PPP1R9A: variants seen among roughly 807,000 people sequenced by gnomAD.
PPP1R9A encodes neurabin-1.
Under a neutral mutation model 141.9 loss-of-function variants are expected in PPP1R9A, and 59 were observed. The ratio of observed to expected loss-of-function variants is 0.42; its 90% CI spans 0.34 to 0.52. The LOEUF is 0.52. Among genes scored for constraint, PPP1R9A ranks in the 20% least tolerant of loss-of-function variants. The pLI, the probability that PPP1R9A is intolerant of heterozygous loss-of-function variation, is 0.10. For synonymous variants in PPP1R9A, 500 were observed against 569.7 expected (o/e 0.88, Z 1.74); for missense variants, 1,444 against 1,611.9 (o/e 0.90, Z 1.78).
chr7:95,194,879 A>C (rs1836014471), intron 5 of PPP1R9A, among the ~76,000 whole-genome samples: 1 of 152,132 alleles, frequency 6.6e-6, no homozygotes, highest in African/African-American at 2.4e-5. Context: ...TTTTGCTAAG[A>C]TGTCAGTTCT....
At chr7:95,216,166 G>C (rs1360081030) in intron 7 of PPP1R9A, among the ~76,000 whole-genome samples, 3 of 152,272 alleles carry the variant, frequency 2.0e-5, no homozygotes, top group Admixed American at 6.5e-5. Flanking sequence ...ATAAGGAAGG[G>C]ATCCAGTTTC....
At chr7:94,946,893 A>AT (rs1795951195) in intron 2 of PPP1R9A, among the ~76,000 whole-genome samples, 1 of 152,062 alleles carries the variant, frequency 6.6e-6, no homozygotes, top group Non-Finnish European at 1.5e-5. Context: ...TTTTTGGCTC[A>AT]TTTTTTGTAT....
intron 2 of PPP1R9A, among the ~76,000 whole-genome samples, chr7:94,953,248 G>C (rs1796681881): frequency 6.6e-6 from 1 of 152,254 alleles, no homozygotes; most frequent in South Asian, 2.1e-4. Flanking sequence ...TGTCAGGTTT[G>C]TCAAAGATCA....
intron 2 of PPP1R9A, among the ~76,000 whole-genome samples, chr7:95,084,350 G>C (rs79377622): frequency 0.022 from 3,345 of 151,972 alleles, 180 homozygotes; most frequent in African/African-American, 0.077. Flanking sequence ...GAAAAAATAG[G>C]CTAAACGTCA....
In PPP1R9A at chr7:94,910,317, C is replaced by T. The variant is rs755811850; in HGVS notation, c.204C>T (p.Asn68=). The stretch of plus-strand genomic sequence containing the variant: ...GCTCCAATGTCAACAGAATTAAAAA[C>T]CTATTTATGCAGATGGGTATGGAAC... ...KYGSNVNRIK[N]LFMQMGMEPN... Residue 68 remains asparagine (N), a synonymous_variant, in exon 2 of 20, where the codon AAC becomes AAT. Coordinates refer to ENST00000433360, the MANE Select transcript of PPP1R9A (RefSeq NM_001166160.2). The surrounding 1 kb of genome is among the most constrained non-coding windows in gnomAD (Gnocchi z 4.5). 3 of 1,613,984 alleles carry T rather than the reference C, an allele frequency of 1.9e-6. No homozygotes were observed. Among genetic ancestry groups the T allele is most frequent in the South Asian group, 2.2e-5 (2 of 91,068 alleles).
chr7:95,050,258 A>G (rs1227323055), intron 2 of PPP1R9A, among the ~76,000 whole-genome samples: 1 of 152,170 alleles, frequency 6.6e-6, no homozygotes, highest in African/African-American at 2.4e-5. Context: ...CTTTTCATCT[A>G]CTTATTTACC....
intron 2 of PPP1R9A, among the ~76,000 whole-genome samples, chr7:94,986,235 C>G (rs1414310133): frequency 6.6e-6 from 1 of 152,058 alleles, no homozygotes; most frequent in Non-Finnish European, 1.5e-5. Context: ...TCTTCCTTTT[C>G]CAATATTCTT....
chr7:95,041,123 A>G (rs911670733), intron 2 of PPP1R9A, among the ~76,000 whole-genome samples: 4 of 152,188 alleles, frequency 2.6e-5, no homozygotes, highest in Non-Finnish European at 4.4e-5. Flanking sequence ...GAACGTGAAC[A>G]TTTGGGAAAG....
At chr7:95,023,654 C>T (rs1162124605) in intron 2 of PPP1R9A, among the ~76,000 whole-genome samples, 1 of 151,956 alleles carries the variant, frequency 6.6e-6, no homozygotes. Flanking sequence ...CCTGGTTTCA[C>T]GCCATTCTCC....
intron 3 of PPP1R9A, among the ~76,000 whole-genome samples, 184 bp downstream of exon 3, chr7:95,111,575 A>G (rs1037697573): frequency 6.6e-6 from 1 of 151,996 alleles, no homozygotes; most frequent in African/African-American, 2.4e-5. Flanking sequence ...TGAAAGTTTT[A>G]CTCCCAACTG....
At chr7:95,153,039 A>G (rs1828994419) in intron 4 of PPP1R9A, among the ~76,000 whole-genome samples, 1 of 151,934 alleles carries the variant, frequency 6.6e-6, no homozygotes, top group Admixed American at 6.6e-5. Context: ...TAATAGAGGT[A>G]GAGTTTCACC....
At chr7:95,166,148 CAAAAAAA>C (rs201112181) in intron 5 of PPP1R9A, among the ~76,000 whole-genome samples, 14 of 104,432 alleles carry the variant, frequency 1.3e-4, no homozygotes, top group South Asian at 1.3e-3. Flanking sequence ...AACTCCATTT[CAAAAAAA>C]AAAAAAAAAA....
chr7:95,033,009 A>T (rs552134765), intron 2 of PPP1R9A, among the ~76,000 whole-genome samples: 101 of 151,448 alleles, frequency 6.7e-4, no homozygotes, highest in Middle Eastern at 6.9e-3. Flanking sequence ...TTAATTTTTT[A>T]ATTTTTTTAT....
chr7:95,090,423 T>C (rs921289409), intron 2 of PPP1R9A, among the ~76,000 whole-genome samples: 1 of 152,042 alleles, frequency 6.6e-6, no homozygotes, highest in East Asian at 1.9e-4. Flanking sequence ...GAAAGACTTA[T>C]GCCCATTGAT....
chr7:95,273,690 T>G (rs1243117074), intron 14 of PPP1R9A, among the ~76,000 whole-genome samples: 1 of 152,234 alleles, frequency 6.6e-6, no homozygotes, highest in African/African-American at 2.4e-5. Flanking sequence ...TGATGAATGT[T>G]GAGCCTCTGT....
chr7:95,204,830 T>C, intron 7 of PPP1R9A, among the ~76,000 whole-genome samples: 2 of 111,070 alleles, frequency 1.8e-5, no homozygotes, highest in South Asian at 3.1e-4. Context: ...ACACCACACA[T>C]ACCCTCACAA....
At position 95,211,825 on chromosome 7, in the gene PPP1R9A, A is replaced by C. The variant is rs146691915; in HGVS notation, c.1956+8095A>C. On this transcript the variant is annotated intron_variant, in intron 7 of 19. Transcript: ENST00000433360. ...AACATAGCAAGACGTGTCTCTAAAA[A>C]AATAATTTTGTAAAAGCCCGGCATG... is the stretch of plus-strand genomic sequence containing the variant. Among the ~76,000 whole-genome samples the C allele has an allele frequency of 3.3e-5, 5 of 152,284 alleles. No homozygotes were observed. In the East Asian group the frequency reaches 9.7e-4, roughly 29 times the overall value.
At chr7:95,060,049 T>C (rs75870375) in intron 2 of PPP1R9A, among the ~76,000 whole-genome samples, 2,249 of 152,180 alleles carry the variant, frequency 0.015, 47 homozygotes, top group African/African-American at 0.051. Flanking sequence ...CTCCTGGAAA[T>C]AGACTGGTGA....
chr7:94,942,744 C>A (rs1795470300), intron 2 of PPP1R9A, among the ~76,000 whole-genome samples: 1 of 151,878 alleles, frequency 6.6e-6, no homozygotes, highest in Non-Finnish European at 1.5e-5. Flanking sequence ...GCAGAGGTTG[C>A]AGTGAGCCAA....
Sources: gnomAD v4.1 joint callset for allele counts (sites outside exome capture counted in the v4.1 genomes callset) on GRCh38, gnomAD v4.1.1 for gene constraint, Gnocchi (gnomAD v3.1) non-coding constraint, MANE v1.5 for transcripts, NCBI Gene and HGNC (gene_info 2026-07-23, HGNC 2026-07-21) for gene names.